Variants in SESTD1 observed in about 807,000 individuals in gnomAD.
SESTD1 encodes the protein SEC14 domain and spectrin repeat-containing protein 1.
Under a neutral mutation model 101.7 loss-of-function variants are expected in SESTD1, and 43 were observed. The ratio of observed to expected loss-of-function variants is 0.42; its 90% CI spans 0.33 to 0.55. SESTD1 has a LOEUF of 0.55. SESTD1 is among the 20% of genes least tolerant of loss of function. The pLI is 0.07. For missense variants in SESTD1, 647 were observed against 815.1 expected (o/e 0.79, Z 2.51); for synonymous variants, 283 against 286.8 (o/e 0.99, Z 0.13).
At chr2:179,128,727 C>CA (rs747412908) in intron 10 of SESTD1, among the ~76,000 whole-genome samples, 12,166 of 73,048 alleles carry the variant, frequency 0.17, 674 homozygotes, top group Non-Finnish European at 0.2. Context: ...GACACTGTCT[C>CA]AAAAAAAAAA....
chr2:179,130,965 C>T (rs370104472), intron 10 of SESTD1, among the ~76,000 whole-genome samples: 51 of 151,932 alleles, frequency 3.4e-4, no homozygotes, highest in African/African-American at 1.2e-3. Flanking sequence ...AAAGGAAGAA[C>T]CATTATGTTG....
chr2:179,248,141 A>G (rs1169402595), intron 1 of SESTD1, among the ~76,000 whole-genome samples: 1 of 152,054 alleles, frequency 6.6e-6, no homozygotes, highest in Non-Finnish European at 1.5e-5. Flanking sequence ...CTCTGCAGAC[A>G]GCAAAATAGA....
intron 9 of SESTD1, among the ~76,000 whole-genome samples, chr2:179,134,874 T>G (rs1399436026): frequency 2.6e-5 from 4 of 152,188 alleles, no homozygotes; most frequent in Non-Finnish European, 5.9e-5. Flanking sequence ...ATCTGAAACA[T>G]CCACCAATTA....
intron 1 of SESTD1, among the ~76,000 whole-genome samples, chr2:179,227,167 CTAAG>C (rs145568893): frequency 0.031 from 4,698 of 152,250 alleles, 242 homozygotes; most frequent in African/African-American, 0.11. Context: ...CTTTTACAGC[CTAAG>C]TGAGTTTTCA....
At chr2:179,229,749 T>TATATATATATATATA (rs2046950405) in intron 1 of SESTD1, among the ~76,000 whole-genome samples, 42 of 106,356 alleles carry the variant, frequency 3.9e-4, no homozygotes, top group Non-Finnish European at 5.3e-4. Flanking sequence ...TTGTAAGAAC[T>TATATATATATATATA]TATATATATA....
intron 1 of SESTD1, among the ~76,000 whole-genome samples, chr2:179,263,723 G>C (rs1234711932): frequency 6.6e-6 from 1 of 152,144 alleles, no homozygotes; most frequent in Non-Finnish European, 1.5e-5. Context: ...TGCATCCCAG[G>C]GTGAAATCCC....
chr2:179,107,866 A>G lies in SESTD1; in HGVS notation c.*2033T>C, dbSNP rs1224958730. The G allele has an allele frequency of 3.9e-5, 6 of 152,150 alleles. No homozygotes were observed. Among genetic ancestry groups the G allele is most frequent in the Admixed American group, 2.6e-4 (4 of 15,266 alleles). The allele number at this position is 152,150 out of a possible 1,614,324, so 9.4% of individuals were successfully genotyped here. On this transcript the variant is annotated 3_prime_UTR_variant, in exon 18 of 18. Transcript: ENST00000428443. ...CATGAAGACTGAAATAAATAATCACAAAAGTTCATACTCATAGCAGTAAAG... is the reference window on the plus strand; with the variant it reads ...CATGAAGACTGAAATAAATAATCACGAAAGTTCATACTCATAGCAGTAAAG...
intron 1 of SESTD1, among the ~76,000 whole-genome samples, chr2:179,259,707 C>A (rs1236778809): frequency 6.6e-6 from 1 of 152,078 alleles, no homozygotes; most frequent in African/African-American, 2.4e-5. Flanking sequence ...TCAGGTTTGT[C>A]ACTGTTGGGT....
intron 1 of SESTD1, among the ~76,000 whole-genome samples, chr2:179,197,631 C>A (rs796140972): frequency 0.017 from 2,139 of 122,724 alleles, no homozygotes; most frequent in South Asian, 0.023. Context: ...CTCTACAAGC[C>A]AGAAGAGAGT....
chr2:179,151,770 A>T (rs1362276244), intron 5 of SESTD1, among the ~76,000 whole-genome samples: 1 of 152,230 alleles, frequency 6.6e-6, no homozygotes, highest in Non-Finnish European at 1.5e-5. Flanking sequence ...AGCCCTATGA[A>T]GAGTAAATCT....
chr2:179,230,805 A>C (rs1434999345), intron 1 of SESTD1, among the ~76,000 whole-genome samples: 1 of 152,128 alleles, frequency 6.6e-6, no homozygotes, highest in African/African-American at 2.4e-5. Flanking sequence ...AAACAAAAAA[A>C]ATCTGATTCT....
intron 1 of SESTD1, among the ~76,000 whole-genome samples, chr2:179,241,580 G>A (rs962588217): frequency 1.3e-5 from 2 of 152,020 alleles, no homozygotes; most frequent in African/African-American, 2.4e-5. Flanking sequence ...GATTGCTCGG[G>A]CCAGTTCAAC....
At chr2:179,195,445 T>C (rs1026715175) in intron 1 of SESTD1, among the ~76,000 whole-genome samples, 15 of 152,238 alleles carry the variant, frequency 9.9e-5, no homozygotes, top group African/African-American at 3.6e-4. Flanking sequence ...GTGAGTGAAT[T>C]AAACCTCCTT....
chr2:179,204,204 AAG>A (rs1200446614), intron 1 of SESTD1, among the ~76,000 whole-genome samples: 1 of 135,076 alleles, frequency 7.4e-6, no homozygotes. Context: ...TTATCAGACC[AAG>A]AGAGACACTA....
rs1491518698 is a variant in SESTD1 at position 179,229,748 on chromosome 2, CTT to C, written c.-26+34749_-26+34750del. Among the ~76,000 whole-genome samples the C allele has an allele frequency of 5.6e-5, 4 of 71,892 alleles. 1 individual carries two copies. Among genetic ancestry groups the C allele is most frequent in the Non-Finnish European group, 1.0e-4 (4 of 39,588 alleles). The allele number at this position is 71,892 out of a possible 152,430, so 47.2% of individuals were successfully genotyped here. On this transcript the variant is annotated intron_variant, in intron 1 of 17. Transcript: ENST00000428443. ...AAAGAAATTTAAGATTTTGTAAGAA[CTT>C]ATATATATATATATATATATATATA...
chr2:179,230,877 A>G lies in SESTD1; in HGVS notation c.-26+33622T>C, dbSNP rs117118370. On this transcript the variant is annotated intron_variant, in intron 1 of 17. Transcript: ENST00000428443. Reference sequence around the variant, plus strand: ...TTGACCTGTTAAAATCAATTCTAAAATATATTATAGTAAAACTATTAGACT... The same window carrying G: ...TTGACCTGTTAAAATCAATTCTAAAGTATATTATAGTAAAACTATTAGACT... 1.5e-3 allele frequency among the ~76,000 whole-genome samples: 221 copies of G among 152,274 alleles called. 4 individuals carry two copies. In the East Asian group the frequency reaches 0.03, roughly 21 times the overall value.
intron 1 of SESTD1, among the ~76,000 whole-genome samples, chr2:179,242,483 C>T (rs1026275671): frequency 6.6e-6 from 1 of 152,022 alleles, no homozygotes; most frequent in African/African-American, 2.4e-5. Context: ...TCATCTGGAA[C>T]CAAAAAACGA....
At chr2:179,198,292 C>T (rs2046438039) in intron 1 of SESTD1, among the ~76,000 whole-genome samples, 1 of 152,140 alleles carries the variant, frequency 6.6e-6, no homozygotes, top group African/African-American at 2.4e-5. Context: ...CAGGAGCACC[C>T]AGATTCATAA....
intron 16 of SESTD1, 111 bp from the exon 17 acceptor site, chr2:179,112,956 G>T (rs1184123410): frequency 2.2e-6 from 3 of 1,371,834 alleles, no homozygotes; most frequent in Non-Finnish European, 2.9e-6. Flanking sequence ...CACAGAAATG[G>T]AATCAAGCTC....
Sources: gnomAD v4.1 joint callset for allele counts (sites outside exome capture counted in the v4.1 genomes callset) on GRCh38, gnomAD v4.1.1 for gene constraint, MANE v1.5 for transcripts, NCBI Gene and HGNC (gene_info 2026-07-23, HGNC 2026-07-21) for gene names.